TNNI3K: variants seen among roughly 807,000 people sequenced by gnomAD.
TNNI3K encodes the protein serine/threonine-protein kinase TNNI3K.
In TNNI3K, 140 loss-of-function variants were observed where a neutral mutation model predicts 114.5. The ratio of observed to expected loss-of-function variants is 1.22; its 90% confidence interval spans 1.07 to 1.41. TNNI3K has a LOEUF of 1.41. TNNI3K is among the 40% of genes most tolerant of loss of function. The pLI, the probability that TNNI3K is intolerant of heterozygous loss-of-function variation, is 0.00. For missense variants in TNNI3K, 1,125 were observed against 1,007.6 expected (o/e 1.12, Z -1.58); for synonymous variants, 347 against 347.5 (o/e 1.00, Z 0.02).
chr1:74,333,096 A>T (rs7542904), intron 6 of TNNI3K, among the ~76,000 whole-genome samples: 2,291 of 152,160 alleles, frequency 0.015, 51 homozygotes, highest in African/African-American at 0.05. Context: ...GTAGGTTAGA[A>T]TTATACCTTT....
In TNNI3K at chr1:74,271,658, T is replaced by A. The variant is rs1182533838; in HGVS notation, c.394T>A (p.Tyr132Asn). The change falls in exon 5 of 25, where the codon TAC (tyrosine) becomes AAC (asparagine). Residue 132 changes from tyrosine (Y) to asparagine (N), a missense_variant. Coordinates refer to ENST00000326637, the MANE Select transcript of TNNI3K (RefSeq NM_015978.3). ...HSGADIQQVG[Y>N]GGLTALHIAT... Reference sequence around the variant, plus strand: ...TGGAGCTGATATACAGCAGGTTGGATACGGTGGCCTCACTGCCCTCCATAT... The same window carrying A: ...TGGAGCTGATATACAGCAGGTTGGAAACGGTGGCCTCACTGCCCTCCATAT... 6.2e-7 allele frequency: 1 copy of A among 1,609,802 alleles called. No individual in the cohort carries two copies. Among genetic ancestry groups the A allele is most frequent in the Non-Finnish European group, 8.5e-7 (1 of 1,177,438 alleles).
At chr1:74,241,347 A>G (rs1475670335) in intron 2 of TNNI3K, among the ~76,000 whole-genome samples, 1 of 152,226 alleles carries the variant, frequency 6.6e-6, no homozygotes, top group African/African-American at 2.4e-5. Flanking sequence ...TCCCTGAGGA[A>G]TCATCACACT....
intron 19 of TNNI3K, 150 bp from the exon 20 acceptor site, chr1:74,439,340 C>A: frequency 4.0e-6 from 5 of 1,247,742 alleles, no homozygotes; most frequent in Non-Finnish European, 5.4e-6. Context: ...ATTGCACACA[C>A]TGAGGGCAAT....
chr1:74,362,606 G>A (rs1662026547), intron 11 of TNNI3K, among the ~76,000 whole-genome samples: 1 of 152,074 alleles, frequency 6.6e-6, no homozygotes, highest in South Asian at 2.1e-4. Context: ...TTCCCTTCTT[G>A]AATAATTATA....
chr1:74,248,038 C>G (rs1654694757), intron 2 of TNNI3K, among the ~76,000 whole-genome samples: 1 of 152,086 alleles, frequency 6.6e-6, no homozygotes, highest in South Asian at 2.1e-4. Context: ...GGCTGCAGGT[C>G]CTGAGCCCTG....
At chr1:74,504,239 T>C (rs1016761284) in intron 23 of TNNI3K, among the ~76,000 whole-genome samples, 1 of 152,224 alleles carries the variant, frequency 6.6e-6, no homozygotes, top group Non-Finnish European at 1.5e-5. Flanking sequence ...GTGATAGGGC[T>C]CTATGTTAAG....
intron 17 of TNNI3K, among the ~76,000 whole-genome samples, chr1:74,390,422 A>T (rs1457480824): frequency 6.6e-6 from 1 of 152,168 alleles, no homozygotes; most frequent in Non-Finnish European, 1.5e-5. Context: ...ACAGGAGTGA[A>T]TATTGTCAGT....
intron 5 of TNNI3K, among the ~76,000 whole-genome samples, chr1:74,301,735 C>G (rs999991520): frequency 2.6e-5 from 4 of 152,152 alleles, no homozygotes; most frequent in Non-Finnish European, 4.4e-5. Context: ...GGTGGCCTTG[C>G]AACTGAATAC....
rs145840620 is a variant in TNNI3K, at chr1:74,463,442, G to T, written c.2013G>T (p.Ala671=). The change falls in exon 21 of 25, where the codon GCG becomes GCT. Residue 671 remains alanine, a splice_region_variant and synonymous_variant. Coordinates refer to ENST00000326637, the MANE Select transcript of TNNI3K (RefSeq NM_015978.3). ...CTGACATGACCATTTGGTTTGCAGC[G>T]GCTGCGGCAGCAGACATGGCTTACC... ...GEIPFAHLKP[A]AAAADMAYHH... 5 of 1,614,100 alleles carry T rather than the reference G, an allele frequency of 3.1e-6. No individual in the cohort carries two copies. Among genetic ancestry groups the T allele is most frequent in the Non-Finnish European group, 3.4e-6 (4 of 1,180,022 alleles).
At position 74,442,095 on chromosome 1, in the gene TNNI3K, A is replaced by ATAAGATC. The variant is rs200921767; in HGVS notation, c.2011+2476_2011+2482dup. Among the ~76,000 whole-genome samples, 1,035 of 152,136 alleles carry ATAAGATC rather than the reference A, an allele frequency of 6.8e-3. 14 individuals carry two copies. Among genetic ancestry groups the ATAAGATC allele is most frequent in the African/African-American group, 0.023 (969 of 41,540 alleles). ...TCTTACAGGTTTAGGTTTTATATTTATAAGATCTATTTTGAGTTCTTATTT... is the reference window on the plus strand; with the variant it reads ...TCTTACAGGTTTAGGTTTTATATTTATAAGATCTAAGATCTATTTTGAGTTCTTATTT... On this transcript the variant is annotated intron_variant, in intron 20 of 24. Transcript: ENST00000326637.
At chr1:74,279,978 C>T (rs1272568289) in intron 5 of TNNI3K, among the ~76,000 whole-genome samples, 1 of 152,156 alleles carries the variant, frequency 6.6e-6, no homozygotes, top group East Asian at 1.9e-4. Flanking sequence ...CAATCGTCCC[C>T]TTAACGCCCC....
At chr1:74,337,230 A>G (rs564291875) in intron 7 of TNNI3K, among the ~76,000 whole-genome samples, 1 of 151,922 alleles carries the variant, frequency 6.6e-6, no homozygotes, top group East Asian at 1.9e-4. Context: ...GTTTGAGTTC[A>G]TTGTAGATTC....
chr1:74,510,910 G>A (rs983313378), intron 23 of TNNI3K, among the ~76,000 whole-genome samples: 3 of 152,104 alleles, frequency 2.0e-5, no homozygotes, highest in Non-Finnish European at 4.4e-5. Context: ...TTTTTGAGAC[G>A]AAGTCTCACT....
intron 9 of TNNI3K, among the ~76,000 whole-genome samples, chr1:74,348,735 T>G (rs1455834158): frequency 1.3e-5 from 2 of 152,196 alleles, no homozygotes; most frequent in African/African-American, 2.4e-5. Flanking sequence ...GTTGGATTCC[T>G]AGGTATTTTA....
At chr1:74,350,486 A>T (rs111829527) in intron 9 of TNNI3K, among the ~76,000 whole-genome samples, 1 of 152,022 alleles carries the variant, frequency 6.6e-6, no homozygotes, top group Non-Finnish European at 1.5e-5. Context: ...TATTAGGTCC[A>T]CTTGGTGCAG....
chr1:74,433,883 T>C (rs1666005710), intron 17 of TNNI3K, among the ~76,000 whole-genome samples: 1 of 152,044 alleles, frequency 6.6e-6, no homozygotes, highest in African/African-American at 2.4e-5. Flanking sequence ...TGTATATTAT[T>C]GCTCTTTAGT....
chr1:74,327,526 T>G (rs781112734), intron 5 of TNNI3K, among the ~76,000 whole-genome samples: 101 of 146,892 alleles, frequency 6.9e-4, no homozygotes, highest in Non-Finnish European at 1.4e-3. Flanking sequence ...ATCTCAGTAT[T>G]TTATATATTG....
intron 7 of TNNI3K, among the ~76,000 whole-genome samples, chr1:74,340,607 C>T (rs554983396): frequency 1.2e-4 from 19 of 152,228 alleles, no homozygotes; most frequent in African/African-American, 4.6e-4. Flanking sequence ...AGTAAATAAC[C>T]TAATTTGAAG....
chr1:74,249,471 C>CTTCAA lies in TNNI3K; in HGVS notation c.166_167insATTCA (p.Ser56AsnfsTer7). 1.2e-6 allele frequency: 2 copies of CTTCAA among 1,612,690 alleles called. No homozygotes were observed. The highest frequency in any genetic ancestry group is 1.7e-6 in the Non-Finnish European group (2 of 1,179,408). On this transcript the variant is annotated frameshift_variant, in exon 3 of 25. Coordinates refer to ENST00000326637, the MANE Select transcript of TNNI3K (RefSeq NM_015978.3). LOFTEE classifies it high-confidence loss of function. ...ATGTTTTTTTCAGCTCTGATGAAGC[C>CTTCAA]TTCAGTAAAGTCAATTTAAATTACC...
Sources: gnomAD v4.1 joint callset for allele counts (sites outside exome capture counted in the v4.1 genomes callset) on GRCh38, gnomAD v4.1.1 for gene constraint, MANE v1.5 for transcripts, NCBI Gene and HGNC (gene_info 2026-07-23, HGNC 2026-07-21) for gene names.